The following ENTREP2 variants were observed in gnomAD, a reference collection of about 807,000 sequenced individuals.
The protein encoded by ENTREP2 is endosomal transmembrane epsin interactor 2, also known as protein ENTREP2.
the ENTREP2 span, among the ~76,000 whole-genome samples, chr15:29,487,687 T>C: frequency 6.6e-6 from 1 of 152,242 alleles, no homozygotes. Flanking sequence ...ATGCAAAATG[T>C]CCAGGCGTTT....
chr15:29,130,201 C>T, the ENTREP2 span, among the ~76,000 whole-genome samples: 1 of 152,320 alleles, frequency 6.6e-6, no homozygotes, highest in East Asian at 1.9e-4. Context: ...GAGAGCTGCC[C>T]AAGTGCGTCC....
At chr15:29,410,031 G>A in the ENTREP2 span, among the ~76,000 whole-genome samples, 1,152 of 152,290 alleles carry the variant, frequency 7.6e-3, 18 homozygotes, top group African/African-American at 0.027. Flanking sequence ...CCTAGCGCAG[G>A]TCTGGATTCA....
chr15:29,517,350 A>C, the ENTREP2 span, among the ~76,000 whole-genome samples: 1 of 152,224 alleles, frequency 6.6e-6, no homozygotes, highest in Non-Finnish European at 1.5e-5. Flanking sequence ...GACGTAACAG[A>C]GGGAAACTGA....
At chr15:29,607,798 G>GGATAGATAGATAGATAGATAGATAGATA in the ENTREP2 span, among the ~76,000 whole-genome samples, 38 of 149,830 alleles carry the variant, frequency 2.5e-4, no homozygotes, top group African/African-American at 8.7e-4. Context: ...TAGAATAGAG[G>GGATAGATAGATAGATAGATAGATAGATA]GATAGATAGA....
the ENTREP2 span, among the ~76,000 whole-genome samples, chr15:29,502,487 GA>G: frequency 2.0e-5 from 3 of 149,328 alleles, no homozygotes; most frequent in Admixed American, 6.7e-5. Flanking sequence ...AAAAATCCTA[GA>G]AAAAAAAAGC....
the ENTREP2 span, among the ~76,000 whole-genome samples, chr15:29,628,726 C>A: frequency 6.6e-6 from 1 of 152,036 alleles, no homozygotes; most frequent in Non-Finnish European, 1.5e-5. Context: ...CATTTAAGAT[C>A]ACTGTGTGTT....
At chr15:29,136,234 G>A in the ENTREP2 span, 1 of 962,614 alleles carries the variant, frequency 1.0e-6, no homozygotes, top group African/African-American at 1.7e-5. Flanking sequence ...CCTCGGCACA[G>A]GGCGCTCATG....
the ENTREP2 span, among the ~76,000 whole-genome samples, chr15:29,130,250 T>C: frequency 6.6e-6 from 1 of 152,202 alleles, no homozygotes; most frequent in African/African-American, 2.4e-5. Context: ...ATACGGTCCA[T>C]ACTATTTTTC....
chr15:29,195,146 C>A, the ENTREP2 span: 2 of 985,376 alleles, frequency 2.0e-6, no homozygotes, highest in Non-Finnish European at 2.4e-6. Context: ...TGGAGTGCTG[C>A]AGTTCTTGAT....
chr15:29,410,850 A>G, the ENTREP2 span, among the ~76,000 whole-genome samples: 2 of 152,164 alleles, frequency 1.3e-5, no homozygotes, highest in East Asian at 3.9e-4. Context: ...CAGTGGCACA[A>G]TCTCAGCTCA....
chr15:29,518,854 G>C, the ENTREP2 span, among the ~76,000 whole-genome samples: 1 of 152,194 alleles, frequency 6.6e-6, no homozygotes, highest in Non-Finnish European at 1.5e-5. Flanking sequence ...GGCAAGAACA[G>C]AGAGGAAGGT....
the ENTREP2 span, chr15:29,233,913 GA>G: frequency 3.8e-6 from 6 of 1,572,968 alleles, no homozygotes; most frequent in Non-Finnish European, 5.2e-6. Flanking sequence ...GATGGCTGAA[GA>G]AACTGTTCAG....
chr15:29,653,106 G>A, the ENTREP2 span, among the ~76,000 whole-genome samples: 1 of 152,116 alleles, frequency 6.6e-6, no homozygotes, highest in Non-Finnish European at 1.5e-5. Flanking sequence ...GGGCCAACTG[G>A]GAGTCCATAT....
At chr15:29,478,510 T>C in the ENTREP2 span, among the ~76,000 whole-genome samples, 1 of 152,132 alleles carries the variant, frequency 6.6e-6, no homozygotes, top group African/African-American at 2.4e-5. Flanking sequence ...TCCCTGATGC[T>C]GGAGGTGGGG....
chr15:29,119,321 C>CCAT, the ENTREP2 span, among the ~76,000 whole-genome samples: 2 of 50,664 alleles, frequency 3.9e-5, 1 homozygote, highest in Non-Finnish European at 1.5e-4. Context: ...AAATTGGAAA[C>CCAT]CATCATTCTC....
At chr15:29,377,735 C>A in the ENTREP2 span, among the ~76,000 whole-genome samples, 3 of 151,464 alleles carry the variant, frequency 2.0e-5, no homozygotes, top group African/African-American at 4.9e-5. Context: ...GCAAGAGAAT[C>A]GCTTGAACCC....
At chr15:29,352,757 C>T in the ENTREP2 span, among the ~76,000 whole-genome samples, 1 of 152,226 alleles carries the variant, frequency 6.6e-6, no homozygotes, top group Admixed American at 6.5e-5. Flanking sequence ...CTGCTATTAG[C>T]TCATTTGTCA....
the ENTREP2 span, among the ~76,000 whole-genome samples, chr15:29,129,675 C>A: frequency 2.0e-5 from 3 of 152,092 alleles, no homozygotes; most frequent in Non-Finnish European, 4.4e-5. Context: ...TGGATATACT[C>A]TGATTCCGCC....
chr15:29,158,389 A>G, the ENTREP2 span, among the ~76,000 whole-genome samples: 1 of 148,686 alleles, frequency 6.7e-6, no homozygotes, highest in Non-Finnish European at 1.5e-5. Flanking sequence ...TTTGGCTTAA[A>G]TGACATTATC....
Sources: gnomAD v4.1 joint callset for allele counts (sites outside exome capture counted in the v4.1 genomes callset) on GRCh38, gnomAD v4.1.1 for gene constraint, MANE v1.5 for transcripts, NCBI Gene and HGNC (gene_info 2026-07-23, HGNC 2026-07-21) for gene names.